Variants in OSBPL10 observed in about 807,000 individuals in gnomAD.
The protein encoded by OSBPL10 is oxysterol-binding protein-related protein 10.
OSBPL10 carries 49 observed loss-of-function variants against 81.7 expected under a neutral mutation model. The ratio of observed to expected loss-of-function variants is 0.60; its 90% CI spans 0.48 to 0.76. OSBPL10 has a LOEUF of 0.76. Ranked by LOEUF, OSBPL10 falls within the 30% of genes least tolerant of loss-of-function variation. The pLI is 0.00. For missense variants in OSBPL10, 923 were observed against 987.8 expected, an observed-to-expected ratio of 0.93 and a Z score of 0.88; for synonymous variants, 419 against 383.6, an observed-to-expected ratio of 1.09 and a Z score of -1.08.
At chr3:31,999,481 C>T (rs1401256448) in intron 2 of OSBPL10, among the ~76,000 whole-genome samples, 2 of 151,762 alleles carry the variant, frequency 1.3e-5, no homozygotes, top group Non-Finnish European at 1.5e-5. Flanking sequence ...CTGCCTCAGC[C>T]TCCTGAGTAG....
At position 32,055,191 on chromosome 3, in the gene OSBPL10, C is replaced by CTTTTTTTTTTT. The variant is rs139735770; in HGVS notation, n.186-8599_186-8589dup. Among the ~76,000 whole-genome samples, 6 of 58,248 alleles carry CTTTTTTTTTTT rather than the reference C, an allele frequency of 1.0e-4. 1 individual carries two copies. Among genetic ancestry groups the CTTTTTTTTTTT allele is most frequent in the African/African-American group, 4.5e-4 (6 of 13,442 alleles). The allele number at this position is 58,248 out of a possible 152,430, so 38.2% of individuals were successfully genotyped here. On this transcript the variant is annotated intron_variant and non_coding_transcript_variant, in intron 1 of 3. Transcript: ENST00000479173. Reference sequence around the variant, plus strand: ...AAGAAAACTTTTGAACTATTTATAGCTTTTTTTTTTTTTTTTTTTTTTTTT... The same window carrying CTTTTTTTTTTT: ...AAGAAAACTTTTGAACTATTTATAGCTTTTTTTTTTTTTTTTTTTTTTTTTTTTTTTTTTTT...
intron 1 of OSBPL10, among the ~76,000 whole-genome samples, chr3:32,068,807 C>T (rs984511774): frequency 1.3e-5 from 2 of 152,112 alleles, no homozygotes; most frequent in African/African-American, 4.8e-5. Context: ...CCTGTCCCTT[C>T]AGTCCCAACC....
chr3:31,809,051 C>A (rs1699597001), intron 4 of OSBPL10, among the ~76,000 whole-genome samples: 1 of 152,126 alleles, frequency 6.6e-6, no homozygotes, highest in Non-Finnish European at 1.5e-5. Context: ...TAAGACTAAG[C>A]CAAGAATAAT....
chr3:31,941,091 C>T (rs1308325088), intron 1 of OSBPL10, among the ~76,000 whole-genome samples: 1 of 152,152 alleles, frequency 6.6e-6, no homozygotes, highest in African/African-American at 2.4e-5. Flanking sequence ...GTGAATGAAA[C>T]ATTCAAAAAT....
chr3:31,830,550 C>A (rs558809542), intron 3 of OSBPL10, among the ~76,000 whole-genome samples: 1 of 152,250 alleles, frequency 6.6e-6, no homozygotes, highest in Non-Finnish European at 1.5e-5. Flanking sequence ...TGCCTCTCTA[C>A]CTATTATTTC....
chr3:31,852,461 G>A lies in OSBPL10; in HGVS notation c.538-22230C>T, dbSNP rs1308851128. ...AAAACCCTGGGATGAGGTGATGCAC[G>A]TGAAAGAAACCTATGAACGACAGTG... is the stretch of plus-strand genomic sequence containing the variant. On this transcript the variant is annotated intron_variant, in intron 3 of 11. Transcript: ENST00000396556. Among the ~76,000 whole-genome samples the A allele has an allele frequency of 3.9e-5, 6 of 152,176 alleles. No homozygotes were observed. In the South Asian group the frequency reaches 6.2e-4, roughly 16 times the overall value.
At chr3:31,737,300 T>C (rs1697207889) in intron 5 of OSBPL10, among the ~76,000 whole-genome samples, 1 of 152,166 alleles carries the variant, frequency 6.6e-6, no homozygotes, top group African/African-American at 2.4e-5. Context: ...AAAAACATTC[T>C]TACGTGGAGT....
chr3:31,890,981 C>A (rs1695877077), intron 1 of OSBPL10, among the ~76,000 whole-genome samples: 1 of 152,048 alleles, frequency 6.6e-6, no homozygotes, highest in Non-Finnish European at 1.5e-5. Context: ...GGGTGAGCAA[C>A]CCCAGTTTAG....
chr3:31,778,066 G>C (rs1698590549), intron 4 of OSBPL10, among the ~76,000 whole-genome samples: 1 of 152,250 alleles, frequency 6.6e-6, no homozygotes, highest in Non-Finnish European at 1.5e-5. Flanking sequence ...CAGAGTCACA[G>C]TGGACAGTAT....
At position 31,810,183 on chromosome 3, in the gene OSBPL10, T is replaced by G. The variant is rs144205276; in HGVS notation, c.729+19857A>C. On this transcript the variant is annotated intron_variant, in intron 4 of 11. Coordinates refer to ENST00000396556, the MANE Select transcript of OSBPL10 (RefSeq NM_017784.5). ...ACCGCACCTCGCCCCCTCTGACTCT[T>G]TATACCAAATTTCTTATTTAAAAAA... Among the ~76,000 whole-genome samples the G allele has an allele frequency of 3.2e-3, 487 of 152,180 alleles. 4 individuals carry two copies. The highest frequency in any genetic ancestry group is 0.011 in the African/African-American group (441 of 41,518).
At chr3:31,741,851 C>T (rs181048314) in intron 5 of OSBPL10, among the ~76,000 whole-genome samples, 10 of 152,210 alleles carry the variant, frequency 6.6e-5, no homozygotes, top group Admixed American at 6.5e-4. Flanking sequence ...ATGGGTCTCA[C>T]GAGATCTGAT....
chr3:31,847,203 T>G (rs1190797672), intron 3 of OSBPL10, among the ~76,000 whole-genome samples: 2 of 147,180 alleles, frequency 1.4e-5, no homozygotes, highest in African/African-American at 5.1e-5. Flanking sequence ...CCTTTTTTTT[T>G]TTTTTTTTAA....
chr3:31,763,412 C>T (rs1336649553), intron 4 of OSBPL10, among the ~76,000 whole-genome samples: 4 of 152,166 alleles, frequency 2.6e-5, no homozygotes, highest in African/African-American at 9.7e-5. Context: ...TTTCTTCAGA[C>T]TGCTTCACCT....
At chr3:31,810,963 G>C (rs536967441) in intron 4 of OSBPL10, among the ~76,000 whole-genome samples, 1 of 152,294 alleles carries the variant, frequency 6.6e-6, no homozygotes, top group Admixed American at 6.5e-5. Flanking sequence ...ACCCTAAATT[G>C]TTCAGCGAGA....
intron 4 of OSBPL10, among the ~76,000 whole-genome samples, chr3:31,762,630 ATT>A (rs56311731): frequency 1.1e-4 from 7 of 61,484 alleles, no homozygotes; most frequent in Middle Eastern, 0.012. Flanking sequence ...CATGCCCAGC[ATT>A]TTTTTTTTTT....
chr3:31,757,126 G>A (rs567712856), intron 4 of OSBPL10, among the ~76,000 whole-genome samples: 16 of 152,232 alleles, frequency 1.1e-4, no homozygotes, highest in Admixed American at 9.2e-4. Flanking sequence ...AATAAAATAG[G>A]GGGAAAATAT....
At chr3:31,925,194 AT>A (rs1293884018) in intron 1 of OSBPL10, among the ~76,000 whole-genome samples, 1 of 151,918 alleles carries the variant, frequency 6.6e-6, no homozygotes, top group Non-Finnish European at 1.5e-5. Flanking sequence ...AGAAAAGCCC[AT>A]TTTCTCTGTC....
intron 3 of OSBPL10, among the ~76,000 whole-genome samples, chr3:31,858,188 A>T (rs1049538707): frequency 1.3e-5 from 2 of 151,866 alleles, no homozygotes; most frequent in African/African-American, 4.8e-5. Context: ...TTTCTGTAAG[A>T]CAGGGTTTCC....
chr3:31,739,780 C>T (rs1364686830), intron 5 of OSBPL10, among the ~76,000 whole-genome samples: 1 of 152,242 alleles, frequency 6.6e-6, no homozygotes, highest in Non-Finnish European at 1.5e-5. Flanking sequence ...GCCACCCAGT[C>T]TACAGTGTTT....
Sources: allele counts gnomAD v4.1 joint callset (sites outside exome capture counted in the v4.1 genomes callset), GRCh38; gene constraint gnomAD v4.1.1; transcripts MANE v1.5; gene names NCBI Gene and HGNC (gene_info 2026-07-23, HGNC 2026-07-21).